Variants in TBC1D13 observed in about 807,000 individuals in gnomAD.
TBC1D13 encodes the protein TBC1 domain family member 13.
In TBC1D13, 40 loss-of-function variants were observed where a neutral mutation model predicts 53.6. The observed-to-expected ratio is 0.75, with a 90% CI of 0.58 to 0.97. The LOEUF is 0.97. TBC1D13 is among the 50% of genes least tolerant of loss of function. The pLI is 0.00. For missense variants in TBC1D13, 377 were observed against 499.4 expected (o/e 0.75, Z 2.34); for synonymous variants, 182 against 197.7 (o/e 0.92, Z 0.67).
At position 128,807,961 on chromosome 9, in the gene TBC1D13, G is replaced by T; in HGVS notation, c.*82G>T. 1 of 1,380,228 alleles carries T rather than the reference G, an allele frequency of 7.2e-7. No homozygotes were observed. Among genetic ancestry groups the T allele is most frequent in the South Asian group, 1.2e-5 (1 of 84,992 alleles). 85.5% of individuals were successfully genotyped at this position (1,380,228 alleles called of 1,614,324 possible). On this transcript the variant is annotated 3_prime_UTR_variant, in exon 12 of 12. Transcript: ENST00000372648. ...TCCCGGGACACATAGAAACCTGTAG[G>T]AACCCAGCCTGAGGGGAAGCCACAG...
At position 128,808,253 on chromosome 9, in the gene TBC1D13, C is replaced by T. The variant is rs1829876630; in HGVS notation, c.*374C>T. Reference sequence around the variant, plus strand: ...TCCTGGGCTCCACTCAGGGGAGGTGCTTGGCCAATGGGCCAGAAACCGCTT... The same window carrying T: ...TCCTGGGCTCCACTCAGGGGAGGTGTTTGGCCAATGGGCCAGAAACCGCTT... On this transcript the variant is annotated 3_prime_UTR_variant, in exon 12 of 12. Coordinates refer to ENST00000372648, the MANE Select transcript of TBC1D13 (RefSeq NM_018201.5). The T allele has an allele frequency of 3.8e-6, 1 of 262,614 alleles. No individual in the cohort carries two copies. Among genetic ancestry groups the T allele is most frequent in the South Asian group, 5.7e-5 (1 of 17,510 alleles). The allele number at this position is 262,614 out of a possible 1,614,324, so 16.3% of individuals were successfully genotyped here.
chr9:128,787,468 GA>G, intron 1 of TBC1D13, 92 bp downstream of exon 1: 1 of 1,201,052 alleles, frequency 8.3e-7, no homozygotes, highest in African/African-American at 1.6e-5. Flanking sequence ...GTGTGGCCAG[GA>G]ATCGGCAGAC....
intron 5 of TBC1D13, among the ~76,000 whole-genome samples, chr9:128,792,051 G>C (rs1829542630): frequency 6.6e-6 from 1 of 152,222 alleles, no homozygotes; most frequent in Non-Finnish European, 1.5e-5. Context: ...TCCTCCCTGG[G>C]CTTCACAGCA....
intron 3 of TBC1D13, 27 bp downstream of exon 3, chr9:128,790,802 G>A (rs753213097): frequency 8.3e-6 from 13 of 1,559,768 alleles, no homozygotes; most frequent in Non-Finnish European, 1.0e-5. Context: ...TGGGGCTTCT[G>A]CTCTGCTGAG....
intron 6 of TBC1D13, among the ~76,000 whole-genome samples, chr9:128,796,141 G>A (rs1415693408): frequency 6.6e-6 from 1 of 152,154 alleles, no homozygotes; most frequent in African/African-American, 2.4e-5. Flanking sequence ...AGGCTGGAGC[G>A]CAGTGGCGCG....
At chr9:128,798,490 G>A (rs79888953) in intron 7 of TBC1D13, among the ~76,000 whole-genome samples, 14 of 152,236 alleles carry the variant, frequency 9.2e-5, no homozygotes, top group African/African-American at 2.6e-4. Context: ...TGCTTGTGTC[G>A]GAAATGCTTT....
chr9:128,797,925 C>T (rs998528681), intron 7 of TBC1D13, among the ~76,000 whole-genome samples: 5 of 152,184 alleles, frequency 3.3e-5, no homozygotes, highest in Admixed American at 3.3e-4. Context: ...CTGACTAACC[C>T]GGGGATTTAA....
rs1829900345 is a variant in TBC1D13 at position 128,809,096 on chromosome 9, C to G, written c.*1217C>G. 1 of 152,292 alleles carries G rather than the reference C, an allele frequency of 6.6e-6. No homozygotes were observed. The highest frequency in any genetic ancestry group is 1.5e-5 in the Non-Finnish European group (1 of 68,136). The allele number at this position is 152,292 out of a possible 1,614,324, so 9.4% of individuals were successfully genotyped here. On this transcript the variant is annotated 3_prime_UTR_variant, in exon 12 of 12. Coordinates refer to ENST00000372648, the MANE Select transcript of TBC1D13 (RefSeq NM_018201.5). ...AAAGGGCAAGTGGGGCCCGAGGAAG[C>G]CTCTCTGGGGCCAGGGGTAGCTGAG...
chr9:128,801,800 C>T (rs1366703283), intron 7 of TBC1D13, among the ~76,000 whole-genome samples: 1 of 146,712 alleles, frequency 6.8e-6, no homozygotes, highest in East Asian at 2.0e-4. Flanking sequence ...CTCGCACTGT[C>T]ACCCAGGCTG....
chr9:128,795,696 G>A (rs1243902973), intron 6 of TBC1D13, among the ~76,000 whole-genome samples: 1 of 151,924 alleles, frequency 6.6e-6, no homozygotes, highest in African/African-American at 2.4e-5. Flanking sequence ...TCTGGACCTC[G>A]TGATCCGCCT....
At chr9:128,794,167 A>T (rs547538650) in intron 6 of TBC1D13, among the ~76,000 whole-genome samples, 9 of 152,330 alleles carry the variant, frequency 5.9e-5, no homozygotes, top group Admixed American at 5.9e-4. Context: ...GCTGAGGCAC[A>T]GCACATGAGA....
At chr9:128,794,262 C>G (rs958798283) in intron 6 of TBC1D13, among the ~76,000 whole-genome samples, 3 of 152,164 alleles carry the variant, frequency 2.0e-5, no homozygotes, top group African/African-American at 4.8e-5. Flanking sequence ...TGCTCCTCAG[C>G]CCAGGCTCAT....
At position 128,795,750 on chromosome 9, in the gene TBC1D13, G is replaced by A. The variant is rs980627219; in HGVS notation, c.384-1305G>A. Among the ~76,000 whole-genome samples, 3 of 151,982 alleles carry A rather than the reference G, an allele frequency of 2.0e-5. No individual in the cohort carries two copies. In the South Asian group the frequency reaches 6.3e-4, roughly 32 times the overall value. ...GCTGGGATTACAGGCGTAAGCCACC[G>A]CACCTGGCCCCAACTAATTTTTTTT... On this transcript the variant is annotated intron_variant, in intron 6 of 11. Transcript: ENST00000372648.
chr9:128,801,073 T>A (rs2132546767), intron 7 of TBC1D13, among the ~76,000 whole-genome samples: 1 of 152,244 alleles, frequency 6.6e-6, no homozygotes, highest in East Asian at 1.9e-4. Flanking sequence ...CTTGGGAGGC[T>A]GAGGTGGGAG....
In TBC1D13 at chr9:128,797,331, C is replaced by T. The variant is rs564061093; in HGVS notation, c.543+117C>T. ...GACCATCTGCTTGACAGTTACTCAG[C>T]GCAATCCTGATGCTGCCAGATCCTG... is the stretch of plus-strand genomic sequence containing the variant. On this transcript the variant is annotated intron_variant, in intron 7 of 11. Transcript: ENST00000372648. 6.0e-4 allele frequency: 673 copies of T among 1,118,046 alleles called. 2 individuals are homozygous for T. The highest frequency in any genetic ancestry group is 1.3e-3 in the South Asian group (82 of 64,930). The allele number at this position is 1,118,046 out of a possible 1,614,324, so 69.3% of individuals were successfully genotyped here. A position where few individuals can be genotyped will look rare whatever the true frequency, so the allele number is the denominator to read the frequency against.
intron 3 of TBC1D13, among the ~76,000 whole-genome samples, 169 bp downstream of exon 3, chr9:128,790,944 G>A (rs926786089): frequency 6.6e-6 from 1 of 152,184 alleles, no homozygotes; most frequent in East Asian, 1.9e-4. Context: ...TGTCTTCTCT[G>A]GGATCCCCTT....
intron 6 of TBC1D13, among the ~76,000 whole-genome samples, chr9:128,794,294 C>G (rs1235790045): frequency 6.6e-6 from 1 of 152,184 alleles, no homozygotes; most frequent in East Asian, 1.9e-4. Context: ...CCCATGTGAC[C>G]CCCGCACAGG....
Position 128,799,995 on chromosome 9 carries a change from T to A in TBC1D13, c.543+2781T>A, listed in dbSNP as rs142913249. The stretch of plus-strand genomic sequence containing the variant: ...GAAATCGCGCCACTGCACTCCAGCC[T>A]GGGCGACAGAGCGAGACTCCGTCTC... On this transcript the variant is annotated intron_variant, in intron 7 of 11. Coordinates refer to ENST00000372648, the MANE Select transcript of TBC1D13 (RefSeq NM_018201.5). 4.0e-3 allele frequency among the ~76,000 whole-genome samples: 613 copies of A among 152,338 alleles called. 12 individuals are homozygous for A. In the East Asian group the frequency reaches 0.043, roughly 11 times the overall value.
At position 128,792,488 on chromosome 9, in the gene TBC1D13, A is replaced by G; in HGVS notation, c.301-4A>G. 1.2e-6 allele frequency: 2 copies of G among 1,613,910 alleles called. No homozygotes were observed. The highest frequency in any genetic ancestry group is 2.2e-5 in the South Asian group (2 of 91,074). On this transcript the variant is annotated splice_polypyrimidine_tract_variant and splice_region_variant and intron_variant, in intron 5 of 11. Transcript: ENST00000372648. ...GGACAGAGCATCTTCATTTCTCCCC[A>G]CAGCCACTCAACCCCAACCCTGACA...
Sources: gnomAD v4.1 joint callset for allele counts (sites outside exome capture counted in the v4.1 genomes callset) on GRCh38, gnomAD v4.1.1 for gene constraint, MANE v1.5 for transcripts, NCBI Gene and HGNC (gene_info 2026-07-23, HGNC 2026-07-21) for gene names.